Variants in CSMD1 observed in about 807,000 individuals in gnomAD.
The protein encoded by CSMD1 is CUB and Sushi multiple domains 1.
A neutral mutation model predicts 417.5 loss-of-function variants in CSMD1; 213 were observed. That is an observed-to-expected ratio of 0.51 (90% CI 0.46 to 0.57). The LOEUF is 0.57. Ranked by LOEUF, CSMD1 falls within the 20% of genes least tolerant of loss-of-function variation. The pLI, the probability that CSMD1 is intolerant of heterozygous loss-of-function variation, is 0.00. For synonymous variants in CSMD1, 2,862 were observed against 1,736.8 expected (o/e 1.65, Z -16.11); for missense variants, 6,923 against 4,529.7 (o/e 1.53, Z -15.17).
intron 6 of CSMD1, among the ~76,000 whole-genome samples, chr8:3,724,340 C>T (rs573130287): frequency 1.5e-4 from 23 of 151,854 alleles, no homozygotes; most frequent in Non-Finnish European, 1.2e-4. Flanking sequence ...CAATGCTATC[C>T]CGGGTTTTTG....
At chr8:4,120,762 C>G (rs1802441509) in intron 3 of CSMD1, among the ~76,000 whole-genome samples, 1 of 152,186 alleles carries the variant, frequency 6.6e-6, no homozygotes. Flanking sequence ...TTAGAGGACA[C>G]CTAGTTAAAA....
intron 5 of CSMD1, among the ~76,000 whole-genome samples, chr8:3,763,420 C>T (rs1798114979): frequency 6.6e-6 from 1 of 152,016 alleles, no homozygotes; most frequent in Admixed American, 6.6e-5. Flanking sequence ...TTAGTTTACT[C>T]CAGAGCTGGT....
intron 2 of CSMD1, among the ~76,000 whole-genome samples, chr8:4,556,522 T>G (rs1437132553): frequency 1.3e-5 from 2 of 152,090 alleles, no homozygotes; most frequent in Non-Finnish European, 2.9e-5. Flanking sequence ...GAATTATCTC[T>G]CAACCTCAGT....
At chr8:4,287,563 C>G (rs891523261) in intron 3 of CSMD1, among the ~76,000 whole-genome samples, 2 of 151,994 alleles carry the variant, frequency 1.3e-5, no homozygotes, top group African/African-American at 2.4e-5. Context: ...AGACGGGGGA[C>G]TAATGTCTGC....
chr8:3,442,921 G>A (rs1161618656), intron 12 of CSMD1, among the ~76,000 whole-genome samples: 5 of 151,940 alleles, frequency 3.3e-5, no homozygotes, highest in African/African-American at 1.2e-4. Context: ...TCTATTTTCT[G>A]AGTATGTGTA....
At chr8:3,550,558 C>A (rs774730160) in intron 10 of CSMD1, among the ~76,000 whole-genome samples, 1 of 152,216 alleles carries the variant, frequency 6.6e-6, no homozygotes, top group East Asian at 1.9e-4. Flanking sequence ...TCCAGCATCT[C>A]AAACACTTAT....
chr8:4,313,729 A>C (rs956561477), intron 3 of CSMD1, among the ~76,000 whole-genome samples: 1 of 152,030 alleles, frequency 6.6e-6, no homozygotes, highest in Non-Finnish European at 1.5e-5. Flanking sequence ...AAAAAAGCAG[A>C]ACTAGGCCGG....
chr8:3,021,116 G>A (rs1185740006), intron 51 of CSMD1, among the ~76,000 whole-genome samples: 5 of 152,166 alleles, frequency 3.3e-5, no homozygotes, highest in Non-Finnish European at 7.3e-5. Context: ...CTTCTTGGAG[G>A]TTTCAGCGCA....
At chr8:3,915,209 C>G (rs1404133875) in intron 5 of CSMD1, among the ~76,000 whole-genome samples, 1 of 151,932 alleles carries the variant, frequency 6.6e-6, no homozygotes, top group Non-Finnish European at 1.5e-5. Context: ...ATTTCGAGAC[C>G]AGCCTGGCCA....
chr8:3,399,676 G>A lies in CSMD1; in HGVS notation c.2267-147C>T, dbSNP rs540608925. The A allele has an allele frequency of 1.9e-4, 114 of 609,968 alleles. No individual in the cohort carries two copies. The South Asian group carries it at 3.6e-3, about 19-fold the overall frequency. The allele number at this position is 609,968 out of a possible 1,614,324, so 37.8% of individuals were successfully genotyped here. On this transcript the variant is annotated intron_variant, in intron 15 of 69. Coordinates refer to ENST00000635120, the MANE Select transcript of CSMD1 (RefSeq NM_033225.6). ...AGCAAATCTTATTCCCAAGGAAACT[G>A]TACATTTATTGAAAGCAGGGTCTAT... is the stretch of plus-strand genomic sequence containing the variant.
intron 3 of CSMD1, among the ~76,000 whole-genome samples, chr8:4,340,880 A>C (rs760752789): frequency 1.1e-4 from 16 of 152,020 alleles, no homozygotes; most frequent in Non-Finnish European, 1.5e-4. Flanking sequence ...TTAACTATTA[A>C]TGAATATTAC....
At chr8:4,461,706 A>G (rs1474479167) in intron 2 of CSMD1, among the ~76,000 whole-genome samples, 1 of 150,350 alleles carries the variant, frequency 6.7e-6, no homozygotes, top group Non-Finnish European at 1.5e-5. Flanking sequence ...AAACACCACC[A>G]TAGCCAGCTC....
Position 3,142,456 on chromosome 8 carries a change from G to A in CSMD1, c.6241+9C>T, listed in dbSNP as rs1188093443. ...GATTTGGGTTTCGGTTCTCGTTGTT[G>A]TTCCATACCTTGGTAAGCAAGTTTA... On this transcript the variant is annotated intron_variant, in intron 41 of 69. Coordinates refer to ENST00000635120, the MANE Select transcript of CSMD1 (RefSeq NM_033225.6). 6.2e-7 allele frequency: 1 copy of A among 1,609,230 alleles called. No homozygotes were observed. The highest frequency in any genetic ancestry group is 8.5e-7 in the Non-Finnish European group (1 of 1,176,798).
chr8:2,958,019 C>T (rs1277690109), intron 62 of CSMD1, among the ~76,000 whole-genome samples: 3 of 152,260 alleles, frequency 2.0e-5, no homozygotes, highest in Admixed American at 6.5e-5. Context: ...AAGATCTTCT[C>T]GAATTTTGAA....
chr8:4,215,316 G>T (rs1215167037), intron 3 of CSMD1, among the ~76,000 whole-genome samples: 1 of 152,090 alleles, frequency 6.6e-6, no homozygotes, highest in African/African-American at 2.4e-5. Context: ...CCACCCAATA[G>T]TTACATTTGG....
chr8:3,462,031 G>C (rs1426113613), intron 12 of CSMD1, among the ~76,000 whole-genome samples: 1 of 152,120 alleles, frequency 6.6e-6, no homozygotes, highest in Admixed American at 6.5e-5. Flanking sequence ...TCCTAGAGAA[G>C]CTGTTTCCAG....
intron 1 of CSMD1, among the ~76,000 whole-genome samples, chr8:4,872,429 A>T (rs1480807037): frequency 6.6e-6 from 1 of 151,984 alleles, no homozygotes; most frequent in East Asian, 1.9e-4. Flanking sequence ...AGTTCCTATG[A>T]AGTCTGACGG....
At chr8:3,747,736 A>C (rs1272289100) in intron 6 of CSMD1, among the ~76,000 whole-genome samples, 1 of 152,158 alleles carries the variant, frequency 6.6e-6, no homozygotes, top group African/African-American at 2.4e-5. Context: ...GCTTGATGGT[A>C]AAACAGTTTT....
chr8:3,739,694 C>G (rs1275803870), intron 6 of CSMD1, among the ~76,000 whole-genome samples: 1 of 152,138 alleles, frequency 6.6e-6, no homozygotes, highest in African/African-American at 2.4e-5. Flanking sequence ...GACTGTACCA[C>G]ATGGCATAAT....
Sources: allele counts gnomAD v4.1 joint callset (sites outside exome capture counted in the v4.1 genomes callset), GRCh38; gene constraint gnomAD v4.1.1; transcripts MANE v1.5; gene names NCBI Gene and HGNC (gene_info 2026-07-23, HGNC 2026-07-21).